The following UNC13C variants were observed in gnomAD, a reference collection of about 807,000 sequenced individuals.
UNC13C encodes the protein unc-13 homolog C.
UNC13C carries 174 observed loss-of-function variants against 245.4 expected under a neutral mutation model. That is an observed-to-expected ratio of 0.71 (90% CI 0.63 to 0.80). The LOEUF (loss-of-function observed/expected upper bound fraction) is 0.80, where lower values mean the gene tolerates loss of function less well. Ranked by LOEUF, UNC13C falls within the 30% of genes least tolerant of loss-of-function variation. The probability of loss-of-function intolerance (pLI) is 0.00; values close to 1 mark genes in which losing one functional copy is unlikely to be tolerated. For synonymous variants in UNC13C, 992 were observed against 895.1 expected (o/e 1.11, Z -1.93); for missense variants, 2,829 against 2,602.9 (o/e 1.09, Z -1.89).
chr15:54,347,388 A>T (rs1182818568), intron 17 of UNC13C, among the ~76,000 whole-genome samples: 1 of 152,224 alleles, frequency 6.6e-6, no homozygotes, highest in Non-Finnish European at 1.5e-5. Context: ...TTTCTGCCTA[A>T]GATTCTGCTA....
chr15:53,895,106 G>T, the UNC13C span, among the ~76,000 whole-genome samples: 1 of 152,150 alleles, frequency 6.6e-6, no homozygotes, highest in East Asian at 1.9e-4. Context: ...GCTCATGCCT[G>T]TAATCCCAAC....
intron 15 of UNC13C, among the ~76,000 whole-genome samples, chr15:54,333,461 C>T (rs991510586): frequency 1.3e-5 from 2 of 151,800 alleles, no homozygotes; most frequent in Non-Finnish European, 2.9e-5. Flanking sequence ...CTTTTAGTAG[C>T]AAGACTATTT....
chr15:54,177,909 A>G (rs1567071542), intron 4 of UNC13C, among the ~76,000 whole-genome samples: 2 of 151,118 alleles, frequency 1.3e-5, no homozygotes, highest in African/African-American at 4.9e-5. Flanking sequence ...ATTTTTTCTC[A>G]TTTTTTTCTC....
chr15:54,326,553 G>T (rs888173344), intron 14 of UNC13C, among the ~76,000 whole-genome samples: 2 of 151,976 alleles, frequency 1.3e-5, no homozygotes, highest in Non-Finnish European at 2.9e-5. Flanking sequence ...TAAAGATAAT[G>T]GGGTGAAGGT....
At chr15:54,108,225 C>T (rs1900552227) in intron 2 of UNC13C, among the ~76,000 whole-genome samples, 1 of 151,926 alleles carries the variant, frequency 6.6e-6, no homozygotes, top group Non-Finnish European at 1.5e-5. Context: ...CTCGCTCTGT[C>T]GCCCAGGCTG....
chr15:54,463,522 G>C (rs1271071365), intron 19 of UNC13C, among the ~76,000 whole-genome samples: 1 of 151,900 alleles, frequency 6.6e-6, no homozygotes, highest in East Asian at 1.9e-4. Flanking sequence ...CTCTGGAGGA[G>C]AGGAGCAAGC....
At chr15:53,890,213 CTCACTG>C in the UNC13C span, among the ~76,000 whole-genome samples, 1 of 150,800 alleles carries the variant, frequency 6.6e-6, no homozygotes, top group Non-Finnish European at 1.5e-5. Flanking sequence ...ATGATCTTGG[CTCACTG>C]CAAGCTCCGC....
rs75473301 is a variant in UNC13C at position 54,080,632 on chromosome 15, G to C, written c.2984-62386G>C. Reference sequence around the variant, plus strand: ...AGAAATGTTCATAGTAGTCTTTATGGATCTTTTGTATTTTTGTGGTGTCGG... The same window carrying C: ...AGAAATGTTCATAGTAGTCTTTATGCATCTTTTGTATTTTTGTGGTGTCGG... On this transcript the variant is annotated intron_variant, in intron 2 of 32. Transcript: ENST00000260323. Among the ~76,000 whole-genome samples, 362 of 151,996 alleles carry C rather than the reference G, an allele frequency of 2.4e-3. 1 individual carries two copies. The highest frequency in any genetic ancestry group is 8.3e-3 in the African/African-American group (344 of 41,506).
chr15:53,853,419 T>A, the UNC13C span, among the ~76,000 whole-genome samples: 5 of 152,208 alleles, frequency 3.3e-5, no homozygotes, highest in African/African-American at 1.2e-4. Context: ...GTCATTTGGG[T>A]TGATTCCATG....
intron 1 of UNC13C, among the ~76,000 whole-genome samples, chr15:54,004,060 TACAG>T (rs1180842357): frequency 2.0e-5 from 3 of 152,050 alleles, no homozygotes; most frequent in Non-Finnish European, 4.4e-5. Flanking sequence ...ACCAAACTCT[TACAG>T]ACTATAGTCG....
At chr15:54,450,886 G>A (rs1891135946) in intron 19 of UNC13C, among the ~76,000 whole-genome samples, 1 of 152,178 alleles carries the variant, frequency 6.6e-6, no homozygotes, top group South Asian at 2.1e-4. Flanking sequence ...GTAGACTGGA[G>A]CTGTTCCTAT....
intron 19 of UNC13C, among the ~76,000 whole-genome samples, chr15:54,426,439 A>G (rs2140968247): frequency 6.6e-6 from 1 of 150,944 alleles, no homozygotes; most frequent in South Asian, 2.1e-4. Flanking sequence ...AGTGCCCTCC[A>G]ACATGGTGCC....
At chr15:54,555,955 C>CTCGCTTAGTAAGTACAA (rs1897071319) in intron 29 of UNC13C, among the ~76,000 whole-genome samples, 1 of 152,070 alleles carries the variant, frequency 6.6e-6, no homozygotes, top group Non-Finnish European at 1.5e-5. Context: ...ACCCTCCCTT[C>CTCGCTTAGTAAGTACAA]TCGCTTAGTA....
the UNC13C span, among the ~76,000 whole-genome samples, chr15:53,918,675 G>T: frequency 6.6e-6 from 1 of 152,188 alleles, no homozygotes; most frequent in Non-Finnish European, 1.5e-5. Context: ...CCTGGTGACT[G>T]CTGGGTCCCA....
At chr15:54,334,601 A>G (rs2038525117) in intron 16 of UNC13C, among the ~76,000 whole-genome samples, 1 of 152,144 alleles carries the variant, frequency 6.6e-6, no homozygotes, top group African/African-American at 2.4e-5. Context: ...TTTGTAATAA[A>G]AGAGAGACAC....
chr15:54,137,715 T>C (rs1196762154), intron 2 of UNC13C, among the ~76,000 whole-genome samples: 1 of 152,162 alleles, frequency 6.6e-6, no homozygotes, highest in African/African-American at 2.4e-5. Flanking sequence ...TTTCCCTTAT[T>C]TTCTTGGTGA....
At chr15:54,201,487 C>T (rs1006241888) in intron 4 of UNC13C, among the ~76,000 whole-genome samples, 4 of 151,616 alleles carry the variant, frequency 2.6e-5, no homozygotes, top group African/African-American at 9.7e-5. Context: ...GGTTTCATAC[C>T]AGGAATGCAG....
At position 54,460,743 on chromosome 15, in the gene UNC13C, C is replaced by T. The variant is rs116260919; in HGVS notation, c.4934-33865C>T. 3.6e-3 allele frequency among the ~76,000 whole-genome samples: 555 copies of T among 152,244 alleles called. 3 individuals carry two copies. The highest frequency in any genetic ancestry group is 0.013 in the African/African-American group (531 of 41,528). On this transcript the variant is annotated intron_variant, in intron 19 of 32. Coordinates refer to ENST00000260323, the MANE Select transcript of UNC13C (RefSeq NM_001080534.3). ...CTTTCAAAGGGTCTGTGAATTTTTT[C>T]GGTTTTTCTGGTATGTTCTTGCAGT... is the stretch of plus-strand genomic sequence containing the variant.
At chr15:54,337,164 G>C (rs528569216) in intron 16 of UNC13C, among the ~76,000 whole-genome samples, 2 of 152,188 alleles carry the variant, frequency 1.3e-5, no homozygotes, top group South Asian at 2.1e-4. Context: ...AGGGTGGGGG[G>C]TACTCTCTAC....
Sources: gnomAD v4.1 joint callset for allele counts (sites outside exome capture counted in the v4.1 genomes callset) on GRCh38, gnomAD v4.1.1 for gene constraint, MANE v1.5 for transcripts, NCBI Gene and HGNC (gene_info 2026-07-23, HGNC 2026-07-21) for gene names.